The following ALDH5A1 variants were observed in gnomAD, a reference collection of about 807,000 sequenced individuals.
ALDH5A1 encodes the protein succinate-semialdehyde dehydrogenase, mitochondrial.
Under a neutral mutation model 54.7 loss-of-function variants are expected in ALDH5A1, and 33 were observed. That is an observed-to-expected ratio of 0.60 (90% CI 0.46 to 0.81). The LOEUF is 0.81. Among genes scored for constraint, ALDH5A1 ranks in the 30% least tolerant of loss-of-function variants. ALDH5A1 has a pLI of 0.00. For synonymous variants in ALDH5A1, 294 were observed against 292.7 expected, an observed-to-expected ratio of 1.00 and a Z score of -0.05; for missense variants, 657 against 711.0, an observed-to-expected ratio of 0.92 and a Z score of 0.86.
At chr6:24,522,078 T>G (rs1267714267) in intron 6 of ALDH5A1, among the ~76,000 whole-genome samples, 1 of 152,042 alleles carries the variant, frequency 6.6e-6, no homozygotes, top group Non-Finnish European at 1.5e-5. Flanking sequence ...ACTCCTGACC[T>G]TAGGTGATCC....
intron 8 of ALDH5A1, among the ~76,000 whole-genome samples, chr6:24,530,742 T>C (rs148038010): frequency 5.4e-4 from 82 of 152,360 alleles, no homozygotes; most frequent in African/African-American, 2.0e-3. Context: ...TGCCTACACT[T>C]GTTTCCCATG....
At chr6:24,512,770 A>T (rs1173340815) in intron 4 of ALDH5A1, among the ~76,000 whole-genome samples, 3 of 151,886 alleles carry the variant, frequency 2.0e-5, no homozygotes, top group African/African-American at 4.8e-5. Flanking sequence ...GCTCACTGCA[A>T]TCTCCGCCTC....
In ALDH5A1 at chr6:24,532,149, C is replaced by T. The variant is rs775722631; in HGVS notation, c.1374C>T (p.Ile458=). ...KFDTEEEAIA[I]ANAADVGLAG... Reference sequence around the variant, plus strand: ...ATACAGAGGAGGAGGCTATAGCAATCGCTAACGCAGCTGATGTTGGGTTAG... The same window carrying T: ...ATACAGAGGAGGAGGCTATAGCAATTGCTAACGCAGCTGATGTTGGGTTAG... Residue 458 remains isoleucine (I), a synonymous_variant, in exon 9 of 10, where the codon ATC becomes ATT. Coordinates refer to ENST00000357578, the MANE Select transcript of ALDH5A1 (RefSeq NM_001080.3). The T allele has an allele frequency of 2.0e-5, 33 of 1,614,032 alleles. No individual in the cohort carries two copies. Among genetic ancestry groups the T allele is most frequent in the African/African-American group, 2.7e-5 (2 of 74,928 alleles).
Position 24,528,163 on chromosome 6 carries a change from T to C in ALDH5A1, c.1340T>C (p.Ile447Thr), listed in dbSNP as rs1180349123. 6.2e-7 allele frequency: 1 copy of C among 1,613,672 alleles called. No individual in the cohort carries two copies. The highest frequency in any genetic ancestry group is 8.5e-7 in the Non-Finnish European group (1 of 1,179,810). Residue 447 changes from isoleucine to threonine, a missense_variant, in exon 8 of 10, where the codon ATC (isoleucine) becomes ACC (threonine). Around this residue, in one of 2 missense-constraint regions of ALDH5A1, gnomAD observed 425 missense variants for 516.4 expected, o/e 0.82. Transcript: ENST00000357578. ...EETFGPLAPV[I>T]KFDTEEEAIA... Reference sequence around the variant, plus strand: ...ACTTTCGGGCCTCTGGCACCAGTTATCAAGTAAGATCCTCCAGCCAGCGGG... The same window carrying C: ...ACTTTCGGGCCTCTGGCACCAGTTACCAAGTAAGATCCTCCAGCCAGCGGG...
chr6:24,501,895 A>G (rs9467203), intron 1 of ALDH5A1, among the ~76,000 whole-genome samples: 53,436 of 129,270 alleles, frequency 0.41, 10,866 homozygotes, highest in African/African-American at 0.58. Flanking sequence ...ATATATATAT[A>G]TGTGTGTGTG....
Position 24,503,344 on chromosome 6 carries a change from G to C in ALDH5A1, c.520G>C (p.Val174Leu), listed in dbSNP as rs775267998. The C allele has an allele frequency of 3.3e-5, 54 of 1,614,098 alleles. No individual in the cohort carries two copies. The highest frequency in any genetic ancestry group is 4.6e-5 in the Non-Finnish European group (54 of 1,180,034). Residue 174 changes from valine to leucine, a missense_variant, in exon 3 of 10, where the codon GTT (valine) becomes CTT (leucine). Transcript: ENST00000357578. ...GTGGTTCTCTGAGGAAGCCCGCCGTGTTTACGGAGACATTATCCACACCCC... is the reference window on the plus strand; with the variant it reads ...GTGGTTCTCTGAGGAAGCCCGCCGTCTTTACGGAGACATTATCCACACCCC... Reference protein sequence around the residue: ...LEWFSEEARRVYGDIIHTPAK... With the variant: ...LEWFSEEARRLYGDIIHTPAK...
intron 7 of ALDH5A1, among the ~76,000 whole-genome samples, chr6:24,524,937 C>G (rs982994540): frequency 6.6e-6 from 1 of 152,216 alleles, no homozygotes; most frequent in South Asian, 2.1e-4. Flanking sequence ...TGCAGCCAGT[C>G]TGGGAAACCA....
intron 3 of ALDH5A1, 151 bp from the exon 4 acceptor site, chr6:24,504,717 GT>G: frequency 1.3e-6 from 1 of 764,944 alleles, no homozygotes; most frequent in Non-Finnish European, 2.4e-6. Flanking sequence ...TGGCGGGGGG[GT>G]CAGGTGTTCT....
rs12183971 is a variant in ALDH5A1 at position 24,499,032 on chromosome 6, C to T, written c.355-3491C>T. 8.5e-3 allele frequency among the ~76,000 whole-genome samples: 1,231 copies of T among 145,298 alleles called. 14 individuals are homozygous for T. Among genetic ancestry groups the T allele is most frequent in the African/African-American group, 0.029 (1,156 of 39,196 alleles). ...AGGAGAATTGCTTGAACCTGGGAGG[C>T]GGAGGTTGCAGTGAGCCGAGATCAT... On this transcript the variant is annotated intron_variant, in intron 1 of 9. Coordinates refer to ENST00000357578, the MANE Select transcript of ALDH5A1 (RefSeq NM_001080.3).
chr6:24,515,619 G>T (rs2063473339), intron 5 of ALDH5A1, among the ~76,000 whole-genome samples: 1 of 152,198 alleles, frequency 6.6e-6, no homozygotes, highest in African/African-American at 2.4e-5. Flanking sequence ...GTACCCAGGT[G>T]ACTGAGGCAT....
chr6:24,500,677 TA>T (rs1764801913), intron 1 of ALDH5A1, among the ~76,000 whole-genome samples: 1 of 147,778 alleles, frequency 6.8e-6, no homozygotes. Context: ...ATAATAATAA[TA>T]ATAACGTAGG....
At chr6:24,504,532 C>T (rs1234612081) in intron 3 of ALDH5A1, among the ~76,000 whole-genome samples, 1 of 152,234 alleles carries the variant, frequency 6.6e-6, no homozygotes, top group South Asian at 2.1e-4. Flanking sequence ...CACAATACAG[C>T]TGCAGAGTTG....
intron 4 of ALDH5A1, among the ~76,000 whole-genome samples, chr6:24,511,026 A>G (rs1207347771): frequency 6.6e-6 from 1 of 152,166 alleles, no homozygotes; most frequent in African/African-American, 2.4e-5. Context: ...GGTAGTGGCG[A>G]ATTCTCTCAG....
chr6:24,504,795 TC>T, intron 3 of ALDH5A1, 73 bp from the exon 4 acceptor site: 1 of 1,428,106 alleles, frequency 7.0e-7, no homozygotes, highest in East Asian at 2.3e-5. Flanking sequence ...TTCACTGACT[TC>T]CCAACATGCC....
chr6:24,512,943 G>T (rs540116651), intron 4 of ALDH5A1, among the ~76,000 whole-genome samples: 1 of 152,118 alleles, frequency 6.6e-6, no homozygotes, highest in Non-Finnish European at 1.5e-5. Flanking sequence ...ACCCACCTTG[G>T]CCTCCTAAAA....
intron 1 of ALDH5A1, among the ~76,000 whole-genome samples, chr6:24,500,987 G>T (rs1764808941): frequency 6.6e-6 from 1 of 152,176 alleles, no homozygotes; most frequent in Non-Finnish European, 1.5e-5. Flanking sequence ...TTAAGGGGAA[G>T]ATAAGATTTC....
rs374259821 is a variant in ALDH5A1, at chr6:24,528,038, C to T, written c.1215C>T (p.Thr405=). Reference sequence around the variant, plus strand: ...ATGATGCCGTTTCTAAAGGTGCCACCGTTGTGACAGGTGGAAAACGACACC... The same window carrying T: ...ATGATGCCGTTTCTAAAGGTGCCACTGTTGTGACAGGTGGAAAACGACACC... The part of the protein sequence containing the change: ...QVNDAVSKGA[T]VVTGGKRHQL... The change falls in exon 8 of 10, where the codon ACC becomes ACT. Residue 405 remains threonine (T), a synonymous_variant. Coordinates refer to ENST00000357578, the MANE Select transcript of ALDH5A1 (RefSeq NM_001080.3). 15 of 1,613,960 alleles carry T rather than the reference C, an allele frequency of 9.3e-6. No homozygotes were observed. The highest frequency in any genetic ancestry group is 5.0e-5 in the Admixed American group (3 of 60,000).
intron 4 of ALDH5A1, among the ~76,000 whole-genome samples, chr6:24,513,227 TTTTG>T (rs1759494933): frequency 6.6e-6 from 1 of 152,014 alleles, no homozygotes; most frequent in Non-Finnish European, 1.5e-5. Context: ...ACCCAGCTAA[TTTTG>T]TTTTTTATTT....
intron 7 of ALDH5A1, among the ~76,000 whole-genome samples, chr6:24,527,044 G>C (rs952522048): frequency 7.1e-6 from 1 of 141,604 alleles, no homozygotes; most frequent in South Asian, 2.3e-4. Flanking sequence ...GAGCATAGAA[G>C]ATCCTAGGAG....
Sources: gnomAD v4.1 joint callset for allele counts (sites outside exome capture counted in the v4.1 genomes callset) on GRCh38, gnomAD v4.1.1 for gene constraint, gnomAD v4.1.1 regional missense constraint, MANE v1.5 for transcripts, NCBI Gene and HGNC (gene_info 2026-07-23, HGNC 2026-07-21) for gene names.